Variants in WSCD1 observed in about 807,000 individuals in gnomAD.
WSCD1 encodes the protein sialate:O-sulfotransferase 1.
Under a neutral mutation model 60.4 loss-of-function variants are expected in WSCD1, and 41 were observed. The observed-to-expected ratio is 0.68, with a 90% confidence interval of 0.53 to 0.88. WSCD1 has a LOEUF of 0.88. Ranked by LOEUF, WSCD1 falls within the 40% of genes least tolerant of loss-of-function variation. WSCD1 has a pLI of 0.00. For missense variants in WSCD1, 784 were observed against 796.2 expected (o/e 0.98, Z 0.18); for synonymous variants, 361 against 332.5 (o/e 1.09, Z -0.93).
chr17:6,119,313 T>G (rs566987298), intron 8 of WSCD1, among the ~76,000 whole-genome samples: 2 of 152,378 alleles, frequency 1.3e-5, no homozygotes, highest in Admixed American at 1.3e-4. Context: ...GAAGTCTTCC[T>G]GGGTGCCAGG....
At chr17:6,104,721 A>G (rs572752433) in intron 5 of WSCD1, among the ~76,000 whole-genome samples, 128 of 152,310 alleles carry the variant, frequency 8.4e-4, no homozygotes, top group Non-Finnish European at 1.4e-3. Context: ...TGGCAGAGCT[A>G]ACCTCCATAT....
At chr17:6,113,334 T>C (rs1224081415) in intron 7 of WSCD1, among the ~76,000 whole-genome samples, 2 of 152,196 alleles carry the variant, frequency 1.3e-5, no homozygotes, top group Non-Finnish European at 2.9e-5. Context: ...TCTCTCCTTA[T>C]GCAAAAATCA....
chr17:6,116,366 T>A (rs1186956148), intron 7 of WSCD1, among the ~76,000 whole-genome samples: 3 of 151,948 alleles, frequency 2.0e-5, no homozygotes, highest in Non-Finnish European at 4.4e-5. Flanking sequence ...GACCATTAGA[T>A]GTGGCCAGTG....
At position 6,110,818 on chromosome 17, in the gene WSCD1, T is replaced by C; in HGVS notation, c.1057T>C (p.Phe353Leu). ...RRFLPNKSKVFVALSSFPGAG... is the reference protein window; with the variant it reads ...RRFLPNKSKVLVALSSFPGAG... ...GTTCCTGCCTAACAAATCCAAAGTG[T>C]TTGTGGCTTTGTCAAGCTTCCCAGG... Residue 353 changes from phenylalanine (F) to leucine (L), a missense_variant, in exon 7 of 9, where the codon TTT (phenylalanine) becomes CTT (leucine). Phe to Leu is a conservative substitution (Grantham distance 22, BLOSUM62 0). Coordinates refer to ENST00000317744, the MANE Select transcript of WSCD1 (RefSeq NM_015253.2). This position sits in a 1 kb window ranked among gnomAD's most constrained non-coding sequence, Gnocchi z 4.8. 1 of 1,614,064 alleles carries C rather than the reference T, an allele frequency of 6.2e-7. No individual in the cohort carries two copies. The highest frequency in any genetic ancestry group is 2.2e-5 in the East Asian group (1 of 44,876).
rs1481687453 is a variant in WSCD1 at position 6,086,249 on chromosome 17, T to TTATATATATATATATATA, written c.428-1741_428-1740insTATATATATATATATATA. ...TGCAGTCAGTAAGACCGTCCTGACT[T>TTATATATATATATATATA]CATATATATATATATATATATATAT... is the stretch of plus-strand genomic sequence containing the variant. On this transcript the variant is annotated intron_variant, in intron 2 of 8. Transcript: ENST00000317744. Among the ~76,000 whole-genome samples the TTATATATATATATATATA allele has an allele frequency of 2.9e-3, 209 of 71,208 alleles. 5 individuals carry two copies. The highest frequency in any genetic ancestry group is 0.011 in the African/African-American group (191 of 17,584). The allele number at this position is 71,208 out of a possible 152,430, so 46.7% of individuals were successfully genotyped here. A position where few individuals can be genotyped will look rare whatever the true frequency, so the allele number is the denominator to read the frequency against.
chr17:6,098,508 A>G (rs1323955002), intron 5 of WSCD1, among the ~76,000 whole-genome samples: 1 of 152,140 alleles, frequency 6.6e-6, no homozygotes, highest in South Asian at 2.1e-4. Context: ...CTTCTCTGCT[A>G]TGGCCGGAGC....
chr17:6,120,433 G>C lies in WSCD1; in HGVS notation c.1500G>C (p.Thr500=). ...AGCTGCGGCGCAGCCTGGTGCCCAC[G>C]TTACGGGAGATGGTGGCCTTCCTCA... ...YEELRRSLVP[T]LREMVAFLNV... The change falls in exon 9 of 9, where the codon ACG becomes ACC. Residue 500 remains threonine (T), a synonymous_variant. Coordinates refer to ENST00000317744, the MANE Select transcript of WSCD1 (RefSeq NM_015253.2). 6.2e-7 allele frequency: 1 copy of C among 1,614,086 alleles called. No individual in the cohort carries two copies. The highest frequency in any genetic ancestry group is 8.5e-7 in the Non-Finnish European group (1 of 1,180,034).
Position 6,118,200 on chromosome 17 carries a change from C to A in WSCD1, c.1375+12C>A, listed in dbSNP as rs775152628. 9.3e-6 allele frequency: 15 copies of A among 1,613,320 alleles called. No homozygotes were observed. The highest frequency in any genetic ancestry group is 1.2e-5 in the Non-Finnish European group (14 of 1,179,750). On this transcript the variant is annotated intron_variant, in intron 8 of 8. Coordinates refer to ENST00000317744, the MANE Select transcript of WSCD1 (RefSeq NM_015253.2). This position sits in a 1 kb window ranked among gnomAD's most constrained non-coding sequence, Gnocchi z 5.8. ...CTGGAAGAGCAAAGGTAATCAAGGA[C>A]CTTGCGGTGGGGGTGGGAGGCTTGT...
chr17:6,116,452 A>G (rs577750061), intron 7 of WSCD1, among the ~76,000 whole-genome samples: 4 of 152,278 alleles, frequency 2.6e-5, no homozygotes, highest in South Asian at 2.1e-4. Context: ...CCAATGCCCA[A>G]CCACCAAATC....
chr17:6,119,414 A>G (rs1460633152), intron 8 of WSCD1, among the ~76,000 whole-genome samples: 2 of 152,232 alleles, frequency 1.3e-5, no homozygotes, highest in Admixed American at 1.3e-4. Flanking sequence ...GGTGACGAAT[A>G]GAGTCTGGGT....
rs1350032540 is a variant in WSCD1 at position 6,080,801 on chromosome 17, C to A, written c.143C>A (p.Ala48Glu). ...VRVALPQGPRAPGPLQTLPVA... is the reference protein window; with the variant it reads ...VRVALPQGPREPGPLQTLPVA... ...GTGGCTCTCCCACAGGGCCCCCGGGCACCCGGCCCCCTGCAGACCTTGCCA... is the reference window on the plus strand; with the variant it reads ...GTGGCTCTCCCACAGGGCCCCCGGGAACCCGGCCCCCTGCAGACCTTGCCA... The change falls in exon 2 of 9, where the codon GCA (alanine) becomes GAA (glutamate). Residue 48 changes from alanine to glutamate, a missense_variant. Transcript: ENST00000317744. The surrounding 1 kb of genome is among the most constrained non-coding windows in gnomAD (Gnocchi z 6.6). 6.2e-7 allele frequency: 1 copy of A among 1,609,616 alleles called. No homozygotes were observed. Among genetic ancestry groups the A allele is most frequent in the Non-Finnish European group, 8.5e-7 (1 of 1,178,542 alleles).
At chr17:6,091,850 A>G (rs996979003) in intron 4 of WSCD1, among the ~76,000 whole-genome samples, 2 of 152,204 alleles carry the variant, frequency 1.3e-5, no homozygotes, top group African/African-American at 4.8e-5. Flanking sequence ...AATGGGGCAG[A>G]GCCCAGGTAA....
rs139470903 is a variant in WSCD1 at position 6,110,823 on chromosome 17, G to A, written c.1062G>A (p.Val354=). The change falls in exon 7 of 9, where the codon GTG becomes GTA. Residue 354 remains valine, a synonymous_variant. Transcript: ENST00000317744. This position sits in a 1 kb window ranked among gnomAD's most constrained non-coding sequence, Gnocchi z 4.8. ...RFLPNKSKVF[V]ALSSFPGAGN... ...TGCCTAACAAATCCAAAGTGTTTGT[G>A]GCTTTGTCAAGCTTCCCAGGAGCCG... The A allele has an allele frequency of 2.2e-5, 36 of 1,613,920 alleles. No individual in the cohort carries two copies. In the African/African-American group the frequency reaches 4.4e-4, roughly 20 times the overall value.
chr17:6,077,749 C>T (rs754523718), intron 1 of WSCD1, among the ~76,000 whole-genome samples: 2 of 152,186 alleles, frequency 1.3e-5, no homozygotes, highest in African/African-American at 2.4e-5. Flanking sequence ...TTCAAAATTC[C>T]GAATTGTTGA....
chr17:6,113,754 A>C (rs1424080441), intron 7 of WSCD1, among the ~76,000 whole-genome samples: 1 of 152,242 alleles, frequency 6.6e-6, no homozygotes, highest in Non-Finnish European at 1.5e-5. Flanking sequence ...CAGTATCACT[A>C]ATTATCAGGG....
At position 6,118,505 on chromosome 17, in the gene WSCD1, T is replaced by G. The variant is rs1337826348; in HGVS notation, c.1375+317T>G. Among the ~76,000 whole-genome samples the G allele has an allele frequency of 6.6e-6, 1 of 152,216 alleles. No individual in the cohort carries two copies. Among genetic ancestry groups the G allele is most frequent in the East Asian group, 1.9e-4 (1 of 5,196 alleles). The stretch of plus-strand genomic sequence containing the variant: ...GATATGCACCCCTTTCCATCTCTGC[T>G]TCTGCCCAGGAGCTCATGCAGGGCT... On this transcript the variant is annotated intron_variant, in intron 8 of 8. Coordinates refer to ENST00000317744, the MANE Select transcript of WSCD1 (RefSeq NM_015253.2). The surrounding 1 kb of genome is among the most constrained non-coding windows in gnomAD (Gnocchi z 5.8).
At position 6,123,216 on chromosome 17, in the gene WSCD1, A is replaced by G. The variant is rs1904817159; in HGVS notation, c.*2555A>G. 1 of 152,214 alleles carries G rather than the reference A, an allele frequency of 6.6e-6. No homozygotes were observed. The highest frequency in any genetic ancestry group is 1.5e-5 in the Non-Finnish European group (1 of 68,038). The allele number at this position is 152,214 out of a possible 1,614,324, so 9.4% of individuals were successfully genotyped here. A position where few individuals can be genotyped will look rare whatever the true frequency, so the allele number is the denominator to read the frequency against. On this transcript the variant is annotated 3_prime_UTR_variant, in exon 9 of 9. Coordinates refer to ENST00000317744, the MANE Select transcript of WSCD1 (RefSeq NM_015253.2). ...TGCATCAGGAACCGGTTAGAACAGA[A>G]CAGAGAAACCCTGACTGTCTACAGA... is the stretch of plus-strand genomic sequence containing the variant.
chr17:6,071,979 G>A (rs1326872976), intron 1 of WSCD1, among the ~76,000 whole-genome samples: 2 of 152,230 alleles, frequency 1.3e-5, no homozygotes, highest in African/African-American at 4.8e-5. Flanking sequence ...AGGAGGCTTG[G>A]CGGTGGTTGG....
rs1909950071 is a variant in WSCD1, at chr17:6,090,372, C to T, written c.594C>T (p.Asn198=). ...CCGGGGCGGAGTGTTACTGCGGGAA[C>T]CGGCTGCCAGCGGTGAGCGTGGGGC... ...LEAGAECYCG[N]RLPAVSVGLE... The change falls in exon 4 of 9, where the codon AAC becomes AAT. Residue 198 remains asparagine (N), a synonymous_variant. Transcript: ENST00000317744. 6 of 1,609,684 alleles carry T rather than the reference C, an allele frequency of 3.7e-6. No individual in the cohort carries two copies. The highest frequency in any genetic ancestry group is 5.1e-6 in the Non-Finnish European group (6 of 1,178,322).
Sources: allele counts gnomAD v4.1 joint callset (sites outside exome capture counted in the v4.1 genomes callset), GRCh38; gene constraint gnomAD v4.1.1; non-coding constraint Gnocchi (gnomAD v3.1); transcripts MANE v1.5; gene names NCBI Gene and HGNC (gene_info 2026-07-23, HGNC 2026-07-21).